The following KIF18A variants were observed in gnomAD, a reference collection of about 807,000 sequenced individuals.
KIF18A encodes the protein kinesin-like protein KIF18A.
In KIF18A, 67 loss-of-function variants were observed where a neutral mutation model predicts 103.3. The ratio of observed to expected loss-of-function variants is 0.65; its 90% CI spans 0.53 to 0.79. The LOEUF is 0.79. Ranked by LOEUF, KIF18A falls within the 30% of genes least tolerant of loss-of-function variation. The pLI is 0.00. For missense variants in KIF18A, 1,032 were observed against 1,062.5 expected, an observed-to-expected ratio of 0.97 and a Z score of 0.40; for synonymous variants, 367 against 355.5, an observed-to-expected ratio of 1.03 and a Z score of -0.36.
Position 28,032,257 on chromosome 11 carries a change from TG to T in KIF18A, c.2504+3129del, listed in dbSNP as rs1274723425. On this transcript the variant is annotated intron_variant, in intron 15 of 16. Coordinates refer to ENST00000263181, the MANE Select transcript of KIF18A (RefSeq NM_031217.4). ...AGAAAGATATTCCATGTTCATGGAT[TG>T]GAAGAATCAATATTGTTAAAATGTC... Among the ~76,000 whole-genome samples, 3 of 152,028 alleles carry T rather than the reference TG, an allele frequency of 2.0e-5. No homozygotes were observed. In the East Asian group the frequency reaches 5.8e-4, roughly 29 times the overall value.
At chr11:28,106,261 A>G (rs961575296) in intron 1 of KIF18A, among the ~76,000 whole-genome samples, 3 of 152,216 alleles carry the variant, frequency 2.0e-5, no homozygotes, top group Non-Finnish European at 4.4e-5. Context: ...TGGAATCAGA[A>G]GAGAATGCTT....
At chr11:28,036,164 A>G (rs1368905404) in intron 14 of KIF18A, 53 bp downstream of exon 14, 1 of 1,154,856 alleles carries the variant, frequency 8.7e-7, no homozygotes, top group Admixed American at 2.5e-5. Context: ...CTCAACTAAT[A>G]GTTGAAAGTC....
chr11:28,075,941 C>G (rs1851085633), intron 10 of KIF18A, among the ~76,000 whole-genome samples: 2 of 151,880 alleles, frequency 1.3e-5, no homozygotes, highest in Admixed American at 6.6e-5. Flanking sequence ...GTTCAAATGA[C>G]TTTTTTTTCT....
At chr11:28,073,899 T>G (rs573931257) in intron 10 of KIF18A, among the ~76,000 whole-genome samples, 82 of 152,320 alleles carry the variant, frequency 5.4e-4, no homozygotes, top group Admixed American at 5.9e-4. Flanking sequence ...CAATATCAGC[T>G]TCCTATGGCT....
At position 28,059,029 on chromosome 11, in the gene KIF18A, A is replaced by G. The variant is rs779654771; in HGVS notation, c.1845T>C (p.Val615=). 1.9e-6 allele frequency: 3 copies of G among 1,614,076 alleles called. No homozygotes were observed. The highest frequency in any genetic ancestry group is 2.2e-5 in the East Asian group (1 of 44,868). ...GTTGTTCGGCAGTTTGGTCAGCCCA[A>G]ACTACCACTTTTTTCCTCTCTACCA... ...EHLVERKKVV[V]WADQTAEQPK... is the part of the protein sequence containing the mutation. Residue 615 remains valine (V), a synonymous_variant, in exon 13 of 17, where the codon GTT becomes GTC. Transcript: ENST00000263181.
intron 13 of KIF18A, among the ~76,000 whole-genome samples, chr11:28,053,072 G>A (rs1470714908): frequency 7.9e-6 from 1 of 125,860 alleles, no homozygotes; most frequent in African/African-American, 2.6e-5. Context: ...CTAAAAATTA[G>A]CAAAGACAAA....
intron 4 of KIF18A, 134 bp downstream of exon 4, chr11:28,091,275 C>T: frequency 1.8e-6 from 1 of 552,718 alleles, no homozygotes; most frequent in East Asian, 3.0e-5. Context: ...TAAAAATATA[C>T]CCTAATCATT....
At chr11:28,045,345 T>C (rs1850617762) in intron 13 of KIF18A, among the ~76,000 whole-genome samples, 1 of 151,346 alleles carries the variant, frequency 6.6e-6, no homozygotes, top group Admixed American at 6.6e-5. Context: ...AGGAAGTCTA[T>C]CTCACAGATT....
chr11:28,027,122 A>C (rs1405423409), intron 15 of KIF18A, among the ~76,000 whole-genome samples: 1 of 151,824 alleles, frequency 6.6e-6, no homozygotes, highest in Non-Finnish European at 1.5e-5. Context: ...CCTGTTACTT[A>C]AATGATAACA....
intron 6 of KIF18A, among the ~76,000 whole-genome samples, chr11:28,088,174 TA>T (rs1243405704): frequency 6.6e-6 from 1 of 152,128 alleles, no homozygotes; most frequent in Non-Finnish European, 1.5e-5. Flanking sequence ...AAAATATGGT[TA>T]GTTTGTCTTC....
chr11:28,078,499 G>T (rs1851123594), intron 9 of KIF18A, among the ~76,000 whole-genome samples: 1 of 152,006 alleles, frequency 6.6e-6, no homozygotes, highest in Non-Finnish European at 1.5e-5. Context: ...ATGAAAGGAA[G>T]GGAATTGGTA....
intron 11 of KIF18A, among the ~76,000 whole-genome samples, chr11:28,063,389 A>G (rs1211700072): frequency 6.6e-6 from 1 of 151,938 alleles, no homozygotes; most frequent in East Asian, 1.9e-4. Flanking sequence ...TCCTCTCATA[A>G]TCTCCTTTAT....
chr11:28,091,594 A>G, intron 3 of KIF18A, 81 bp from the exon 4 acceptor site: 1 of 633,200 alleles, frequency 1.6e-6, no homozygotes. Context: ...GCTAATTTAA[A>G]GTTATTAGAA....
At position 28,097,975 on chromosome 11, in the gene KIF18A, T is replaced by C; in HGVS notation, c.-28A>G. 2 of 1,450,578 alleles carry C rather than the reference T, an allele frequency of 1.4e-6. No homozygotes were observed. The highest frequency in any genetic ancestry group is 2.3e-5 in the East Asian group (1 of 43,504). 89.9% of individuals were successfully genotyped at this position (1,450,578 alleles called of 1,614,324 possible). On this transcript the variant is annotated 5_prime_UTR_variant, in exon 2 of 17. Coordinates refer to ENST00000263181, the MANE Select transcript of KIF18A (RefSeq NM_031217.4). The stretch of plus-strand genomic sequence containing the variant: ...TTGATTATCTTGATTCCTATCTGTA[T>C]AAATACTTGAATACTTCTCTGAAAT...
chr11:28,022,657 T>G (rs1179219311), intron 16 of KIF18A, among the ~76,000 whole-genome samples: 7 of 152,204 alleles, frequency 4.6e-5, no homozygotes. Context: ...AGTACACACC[T>G]AAACTAACTA....
chr11:28,058,690 A>AAAAAG (rs1850816854), intron 13 of KIF18A, among the ~76,000 whole-genome samples: 1 of 138,878 alleles, frequency 7.2e-6, no homozygotes, highest in East Asian at 2.0e-4. Flanking sequence ...AAAAAAAAAA[A>AAAAAG]AAAAGAAAAG....
intron 11 of KIF18A, among the ~76,000 whole-genome samples, chr11:28,067,894 G>C (rs1373233930): frequency 6.6e-6 from 1 of 151,918 alleles, no homozygotes; most frequent in African/African-American, 2.4e-5. Context: ...TTCTTATTAA[G>C]AGATCTCCAA....
intron 7 of KIF18A, among the ~76,000 whole-genome samples, chr11:28,083,610 A>G (rs1210417558): frequency 6.6e-6 from 1 of 152,106 alleles, no homozygotes; most frequent in Non-Finnish European, 1.5e-5. Flanking sequence ...TTATCATAGT[A>G]TGGGCCCCTT....
intron 15 of KIF18A, among the ~76,000 whole-genome samples, chr11:28,033,534 C>T (rs1187897807): frequency 6.6e-6 from 1 of 151,556 alleles, no homozygotes; most frequent in Non-Finnish European, 1.5e-5. Context: ...AGCCATGAAA[C>T]AAGAATGAGA....
Sources: gnomAD v4.1 joint callset for allele counts (sites outside exome capture counted in the v4.1 genomes callset) on GRCh38, gnomAD v4.1.1 for gene constraint, MANE v1.5 for transcripts, NCBI Gene and HGNC (gene_info 2026-07-23, HGNC 2026-07-21) for gene names.